Variants in THSD7B observed in about 807,000 individuals in gnomAD.
THSD7B encodes thrombospondin type 1 domain containing 7B, also known as thrombospondin type-1 domain-containing protein 7B.
Under a neutral mutation model 213.6 loss-of-function variants are expected in THSD7B, and 138 were observed. The ratio of observed to expected loss-of-function variants is 0.65; its 90% CI spans 0.56 to 0.74. The LOEUF is 0.74. THSD7B is among the 30% of genes least tolerant of loss of function. The pLI is 0.00. For synonymous variants in THSD7B, 742 were observed against 687.0 expected (o/e 1.08, Z -1.25); for missense variants, 1,931 against 1,991.5 (o/e 0.97, Z 0.58).
intron 16 of THSD7B, among the ~76,000 whole-genome samples, chr2:137,567,211 C>T (rs557341815): frequency 5.5e-4 from 82 of 149,878 alleles, no homozygotes; most frequent in Non-Finnish European, 8.4e-4. Context: ...ATCTATCACC[C>T]AGGTTGGAGT....
At chr2:137,165,708 T>C (rs1293919120) in intron 6 of THSD7B, among the ~76,000 whole-genome samples, 2 of 152,070 alleles carry the variant, frequency 1.3e-5, no homozygotes, top group African/African-American at 4.8e-5. Flanking sequence ...GTGATTCCAC[T>C]AGCAGAAATC....
Position 137,676,789 on chromosome 2 carries a change from A to G in THSD7B, c.*184A>G. On this transcript the variant is annotated 3_prime_UTR_variant, in exon 28 of 28. Coordinates refer to ENST00000409968, the MANE Select transcript of THSD7B (RefSeq NM_001316349.2). Reference sequence around the variant, plus strand: ...GGAGTCAAGGATTATTAGGTCTGCCATTTTGTTTTCAAGTTGTTTGTGGGT... The same window carrying G: ...GGAGTCAAGGATTATTAGGTCTGCCGTTTTGTTTTCAAGTTGTTTGTGGGT... 1 of 503,250 alleles carries G rather than the reference A, an allele frequency of 2.0e-6. No homozygotes were observed. The allele number at this position is 503,250 out of a possible 1,614,324, so 31.2% of individuals were successfully genotyped here.
chr2:137,079,382 C>A (rs1441248997), intron 3 of THSD7B, among the ~76,000 whole-genome samples: 2 of 151,938 alleles, frequency 1.3e-5, no homozygotes, highest in African/African-American at 4.8e-5. Flanking sequence ...CTGTATTTTT[C>A]TACACATAGT....
chr2:137,071,572 T>G (rs1203846551), intron 3 of THSD7B, among the ~76,000 whole-genome samples: 1 of 152,194 alleles, frequency 6.6e-6, no homozygotes, highest in East Asian at 1.9e-4. Context: ...TTAGATCCCA[T>G]TTGTCAATAT....
At chr2:137,473,274 C>T (rs1009687177) in intron 15 of THSD7B, among the ~76,000 whole-genome samples, 28 of 151,892 alleles carry the variant, frequency 1.8e-4, no homozygotes, top group African/African-American at 6.3e-4. Flanking sequence ...GGCTGGAGTG[C>T]GGTGGTGCGA....
intron 2 of THSD7B, among the ~76,000 whole-genome samples, chr2:136,890,490 CTCCTTTCTTCTCCT>C (rs1683821333): frequency 2.1e-3 from 3 of 1,408 alleles, no homozygotes; most frequent in Non-Finnish European, 0.016. Flanking sequence ...CTCCTTTCTT[CTCCTTTCTTCTCCT>C]TTCTTCTTCT....
At chr2:137,471,752 C>T (rs757199809) in intron 15 of THSD7B, among the ~76,000 whole-genome samples, 1 of 152,074 alleles carries the variant, frequency 6.6e-6, no homozygotes, top group Non-Finnish European at 1.5e-5. Context: ...GGTGCAGGCT[C>T]CCAGTGGCAT....
At chr2:136,961,126 C>T (rs1685210964) in intron 2 of THSD7B, among the ~76,000 whole-genome samples, 1 of 143,938 alleles carries the variant, frequency 6.9e-6, no homozygotes, top group Admixed American at 7.2e-5. Flanking sequence ...AAATGTGAGA[C>T]TGGGCAGATT....
intron 12 of THSD7B, among the ~76,000 whole-genome samples, chr2:137,350,963 G>A (rs575500630): frequency 6.6e-6 from 1 of 151,950 alleles, no homozygotes; most frequent in South Asian, 2.1e-4. Flanking sequence ...TTGAACTCTG[G>A]ATATGTCAAG....
At chr2:137,675,551 C>A (rs956369114) in intron 27 of THSD7B, among the ~76,000 whole-genome samples, 5 of 151,394 alleles carry the variant, frequency 3.3e-5, no homozygotes, top group African/African-American at 1.2e-4. Flanking sequence ...AGGTAAACAG[C>A]CTTGGTAGTC....
chr2:137,366,581 T>G (rs1468669474), intron 12 of THSD7B, among the ~76,000 whole-genome samples: 11 of 152,032 alleles, frequency 7.2e-5, no homozygotes, highest in Admixed American at 4.6e-4. Context: ...TTACATCTAC[T>G]TCTGCTATTT....
chr2:136,933,528 G>A (rs996869325), intron 2 of THSD7B, among the ~76,000 whole-genome samples: 1 of 152,036 alleles, frequency 6.6e-6, no homozygotes, highest in Non-Finnish European at 1.5e-5. Context: ...GCAGTGAGCC[G>A]AAATCACACC....
At chr2:137,145,630 A>G (rs1248012649) in intron 5 of THSD7B, among the ~76,000 whole-genome samples, 1 of 152,058 alleles carries the variant, frequency 6.6e-6, no homozygotes, top group Non-Finnish European at 1.5e-5. Context: ...TAGCCATAAT[A>G]AGTATGTCTT....
intron 1 of THSD7B, among the ~76,000 whole-genome samples, chr2:136,781,728 T>C (rs1681747156): frequency 6.6e-6 from 1 of 152,082 alleles, no homozygotes; most frequent in African/African-American, 2.4e-5. Context: ...ACCACATTCC[T>C]GTCTCTCCCT....
At chr2:137,259,558 G>A (rs755121007) in intron 10 of THSD7B, among the ~76,000 whole-genome samples, 4 of 152,092 alleles carry the variant, frequency 2.6e-5, no homozygotes, top group Admixed American at 1.3e-4. Context: ...ATTTGTTTAC[G>A]TTCCTTGTAG....
At chr2:137,598,662 A>C (rs540791325) in intron 17 of THSD7B, among the ~76,000 whole-genome samples, 162 of 152,294 alleles carry the variant, frequency 1.1e-3, no homozygotes, top group African/African-American at 3.8e-3. Context: ...GAATAAATTA[A>C]ATACATTTCC....
chr2:137,527,317 G>A (rs1301069960), intron 15 of THSD7B, among the ~76,000 whole-genome samples: 1 of 152,066 alleles, frequency 6.6e-6, no homozygotes, highest in Non-Finnish European at 1.5e-5. Flanking sequence ...ATGTGTGTGT[G>A]CATGTGTATA....
intron 9 of THSD7B, 31 bp from the exon 10 acceptor site, chr2:137,242,426 A>G: frequency 6.5e-7 from 1 of 1,546,218 alleles, no homozygotes; most frequent in Non-Finnish European, 8.9e-7. Flanking sequence ...TCTCTCAAAA[A>G]GGCATTGACA....
At chr2:137,291,300 T>C (rs941205955) in intron 12 of THSD7B, among the ~76,000 whole-genome samples, 1 of 152,162 alleles carries the variant, frequency 6.6e-6, no homozygotes, top group African/African-American at 2.4e-5. Flanking sequence ...TACACTCCCT[T>C]CTTACTTATA....
Sources: gnomAD v4.1 joint callset for allele counts (sites outside exome capture counted in the v4.1 genomes callset) on GRCh38, gnomAD v4.1.1 for gene constraint, MANE v1.5 for transcripts, NCBI Gene and HGNC (gene_info 2026-07-23, HGNC 2026-07-21) for gene names.